The following LAMA3 variants were observed in gnomAD, a reference collection of about 807,000 sequenced individuals.
LAMA3 encodes laminin subunit alpha 3.
LAMA3 carries 281 observed loss-of-function variants against 402.0 expected under a neutral mutation model. The observed-to-expected ratio is 0.70, with a 90% CI of 0.63 to 0.77. LAMA3 has a LOEUF of 0.77. Among genes scored for constraint, LAMA3 ranks in the 30% least tolerant of loss-of-function variants. The probability of loss-of-function intolerance (pLI) is 0.00; values close to 1 mark genes in which losing one functional copy is unlikely to be tolerated. For synonymous variants in LAMA3, 1,431 were observed against 1,558.4 expected (o/e 0.92, Z 1.93); for missense variants, 3,840 against 4,215.5 (o/e 0.91, Z 2.47).
At chr18:23,840,505 C>T (rs2063677821) in intron 27 of LAMA3, among the ~76,000 whole-genome samples, 1 of 151,576 alleles carries the variant, frequency 6.6e-6, no homozygotes, top group Admixed American at 6.6e-5. Context: ...ATCTCGGCCT[C>T]CCAAGTAGCT....
intron 50 of LAMA3, 95 bp from the exon 51 acceptor site, chr18:23,904,458 G>T: frequency 7.7e-7 from 1 of 1,301,316 alleles, no homozygotes. Flanking sequence ...AAAAAAGAAA[G>T]AAAAAATAAA....
At chr18:23,774,611 T>C (rs190075747) in intron 9 of LAMA3, among the ~76,000 whole-genome samples, 5 of 152,314 alleles carry the variant, frequency 3.3e-5, no homozygotes, top group Admixed American at 6.5e-5. Context: ...ATTTACAGAC[T>C]TTTCCCTACA....
intron 17 of LAMA3, 121 bp downstream of exon 17, chr18:23,815,694 A>G: frequency 1.3e-6 from 1 of 764,286 alleles, no homozygotes; most frequent in Non-Finnish European, 2.3e-6. Flanking sequence ...GCCCTGAAAC[A>G]TTCTGTCCAG....
At position 23,912,881 on chromosome 18, in the gene LAMA3, T is replaced by TGTAA; in HGVS notation, c.7329+4_7329+7dup. ...TTGTGATGTACCTTGGAAATAAAGATGTAAGTATTGCTTGGACATCTCTCT... is the reference window on the plus strand; with the variant it reads ...TTGTGATGTACCTTGGAAATAAAGATGTAAGTAAGTATTGCTTGGACATCTCTCT... On this transcript the variant is annotated frameshift_variant and splice_region_variant. Coordinates refer to ENST00000313654, the MANE Select transcript of LAMA3 (RefSeq NM_198129.4). LOFTEE classifies it high-confidence loss of function. The TGTAA allele has an allele frequency of 6.2e-7, 1 of 1,612,830 alleles. No homozygotes were observed. Among genetic ancestry groups the TGTAA allele is most frequent in the Non-Finnish European group, 8.5e-7 (1 of 1,179,150 alleles).
intron 13 of LAMA3, among the ~76,000 whole-genome samples, chr18:23,812,278 G>C (rs571059168): frequency 3.3e-5 from 5 of 152,274 alleles, no homozygotes; most frequent in Admixed American, 6.5e-5. Flanking sequence ...GGCATTGGAG[G>C]TTGCAGTGAG....
At chr18:23,758,804 A>G (rs2061908074) in intron 7 of LAMA3, among the ~76,000 whole-genome samples, 1 of 152,216 alleles carries the variant, frequency 6.6e-6, no homozygotes, top group Non-Finnish European at 1.5e-5. Context: ...TGCAACCACT[A>G]TAAAATTTTA....
intron 2 of LAMA3, among the ~76,000 whole-genome samples, chr18:23,724,503 T>G (rs973053795): frequency 2.0e-5 from 3 of 151,344 alleles, no homozygotes; most frequent in African/African-American, 4.8e-5. Context: ...CCCGTCCCCC[T>G]GATATGAGCT....
intron 27 of LAMA3, among the ~76,000 whole-genome samples, chr18:23,841,199 A>T (rs1437684305): frequency 6.6e-6 from 1 of 152,212 alleles, no homozygotes; most frequent in East Asian, 1.9e-4. Flanking sequence ...TCATGAAATT[A>T]GTGTGTCATT....
intron 5 of LAMA3, 140 bp from the exon 6 acceptor site, chr18:23,753,581 A>C (rs2061789427): frequency 4.3e-6 from 3 of 703,622 alleles, no homozygotes; most frequent in Middle Eastern, 2.5e-4. Flanking sequence ...TTTATAAGAC[A>C]TGTTACATCC....
At chr18:23,905,185 CTT>C (rs2081201160) in intron 51 of LAMA3, among the ~76,000 whole-genome samples, 1 of 152,100 alleles carries the variant, frequency 6.6e-6, no homozygotes, top group African/African-American at 2.4e-5. Flanking sequence ...TGAGTGAAGA[CTT>C]TTCTGTCCCA....
At chr18:23,923,345 T>C (rs1599109154) in intron 62 of LAMA3, among the ~76,000 whole-genome samples, 1 of 151,752 alleles carries the variant, frequency 6.6e-6, no homozygotes, top group Non-Finnish European at 1.5e-5. Flanking sequence ...GGAGGCCGAG[T>C]ATATTAACAG....
rs1266585858 is a variant in LAMA3, at chr18:23,879,196, A to G, written c.5113-2740A>G. Among the ~76,000 whole-genome samples, 2 of 152,326 alleles carry G rather than the reference A, an allele frequency of 1.3e-5. No homozygotes were observed. Among genetic ancestry groups the G allele is most frequent in the East Asian group, 3.9e-4 (2 of 5,190 alleles). On this transcript the variant is annotated intron_variant, in intron 39 of 74. Coordinates refer to ENST00000313654, the MANE Select transcript of LAMA3 (RefSeq NM_198129.4). This position sits in a 1 kb window ranked among gnomAD's most constrained non-coding sequence, Gnocchi z 4.2. ...GACATGGTGCTCCTCTGAGGCTCAC[A>G]GACGGAAGGAAGCCCACGACCCTTA... is the stretch of plus-strand genomic sequence containing the variant.
intron 64 of LAMA3, among the ~76,000 whole-genome samples, chr18:23,929,817 T>G (rs1305305963): frequency 6.6e-6 from 1 of 152,206 alleles, no homozygotes; most frequent in East Asian, 1.9e-4. Flanking sequence ...TACCTAACAC[T>G]TGTTTCCTCT....
chr18:23,783,894 G>A (rs964558513), intron 11 of LAMA3, 129 bp from the exon 12 acceptor site: 162 of 1,259,098 alleles, frequency 1.3e-4, no homozygotes, highest in African/African-American at 8.8e-4. Context: ...AGTCTTCTGC[G>A]TTAAGAATGT....
chr18:23,893,538 G>A (rs1412133455), intron 42 of LAMA3, among the ~76,000 whole-genome samples: 8 of 152,188 alleles, frequency 5.3e-5, no homozygotes, highest in Non-Finnish European at 8.8e-5. Flanking sequence ...AGCTGACATC[G>A]CACCACTGCA....
chr18:23,864,902 C>T lies in LAMA3; in HGVS notation c.4683+19C>T, dbSNP rs564625729. 3 of 1,536,896 alleles carry T rather than the reference C, an allele frequency of 2.0e-6. No homozygotes were observed. Among genetic ancestry groups the T allele is most frequent in the African/African-American group, 1.4e-5 (1 of 73,460 alleles). The stretch of plus-strand genomic sequence containing the variant: ...GCTCACTGTAGGTATCAGAGCATGA[C>T]CTAAGTGGCAGGAAGTGGCAGTTGC... On this transcript the variant is annotated intron_variant, in intron 36 of 74. Transcript: ENST00000313654.
At chr18:23,821,926 C>T (rs2063292575) in intron 19 of LAMA3, among the ~76,000 whole-genome samples, 1 of 152,218 alleles carries the variant, frequency 6.6e-6, no homozygotes, top group African/African-American at 2.4e-5. Context: ...GTTGCTCCGT[C>T]ACTGTGGCTT....
intron 34 of LAMA3, among the ~76,000 whole-genome samples, chr18:23,860,524 G>A (rs2064192792): frequency 6.6e-6 from 1 of 151,852 alleles, no homozygotes; most frequent in African/African-American, 2.4e-5. Context: ...CTCCCACAGT[G>A]CTGGGATTAC....
rs1361050193 is a variant in LAMA3 at position 23,890,545 on chromosome 18, TG to T, written c.5410+431del. Among the ~76,000 whole-genome samples, 4 of 152,172 alleles carry T rather than the reference TG, an allele frequency of 2.6e-5. No individual in the cohort carries two copies. In the East Asian group the frequency reaches 7.7e-4, roughly 29 times the overall value. On this transcript the variant is annotated intron_variant, in intron 42 of 74. Coordinates refer to ENST00000313654, the MANE Select transcript of LAMA3 (RefSeq NM_198129.4). ...AGCAGTACATGTTCTGGGATGTGGGTGGGTAATTGGGGTGGATTTTATACAC... is the reference window on the plus strand; with the variant it reads ...AGCAGTACATGTTCTGGGATGTGGGTGGTAATTGGGGTGGATTTTATACAC...
Sources: gnomAD v4.1 joint callset for allele counts (sites outside exome capture counted in the v4.1 genomes callset) on GRCh38, gnomAD v4.1.1 for gene constraint, Gnocchi (gnomAD v3.1) non-coding constraint, MANE v1.5 for transcripts, NCBI Gene and HGNC (gene_info 2026-07-23, HGNC 2026-07-21) for gene names.